Variants in MBP observed in about 807,000 individuals in gnomAD.
MBP encodes Golli-MBP.
MBP carries 16 observed loss-of-function variants against 35.8 expected under a neutral mutation model. That is an observed-to-expected ratio of 0.45 (90% CI 0.30 to 0.68). The LOEUF (loss-of-function observed/expected upper bound fraction) is 0.68. Ranked by LOEUF, MBP falls within the 30% of genes least tolerant of loss-of-function variation. The pLI is 0.08. For synonymous variants in MBP, 143 were observed against 159.6 expected (o/e 0.90, Z 0.78); for missense variants, 380 against 404.7 (o/e 0.94, Z 0.52).
At chr18:77,040,935 T>C (rs1972964204) in intron 3 of MBP, among the ~76,000 whole-genome samples, 1 of 151,940 alleles carries the variant, frequency 6.6e-6, no homozygotes, top group African/African-American at 2.4e-5. Flanking sequence ...ACAAATGGGA[T>C]CTAATTAAAC....
At position 76,989,040 on chromosome 18, in the gene MBP, T is replaced by C. The variant is rs1371576957; in HGVS notation, c.682-128A>G. The C allele has an allele frequency of 1.2e-6, 1 of 817,460 alleles. No individual in the cohort carries two copies. Among genetic ancestry groups the C allele is most frequent in the Admixed American group, 1.7e-5 (1 of 58,290 alleles). 50.6% of individuals were successfully genotyped at this position (817,460 alleles called of 1,614,324 possible). A position where few individuals can be genotyped will look rare whatever the true frequency, so the allele number is the denominator to read the frequency against. On this transcript the variant is annotated intron_variant, in intron 5 of 8. Transcript: ENST00000355994. This position sits in a 1 kb window ranked among gnomAD's most constrained non-coding sequence, Gnocchi z 4.0. ...GCCAGAAGCACCCGGGTGCCCAGCC[T>C]CCCCACTTCTGTCCTAGTTGGTGAA...
chr18:77,107,408 C>T (rs899706881), intron 1 of MBP, among the ~76,000 whole-genome samples: 4 of 152,150 alleles, frequency 2.6e-5, no homozygotes, highest in Admixed American at 2.0e-4. Context: ...TGGCTCTATC[C>T]GTTTCTCACC....
At chr18:76,997,929 G>A (rs1327739885) in intron 4 of MBP, among the ~76,000 whole-genome samples, 2 of 151,912 alleles carry the variant, frequency 1.3e-5, no homozygotes, top group Admixed American at 6.6e-5. Context: ...TGATCCGCCC[G>A]CCTCGGCCTC....
At chr18:77,035,068 G>A (rs967168554) in intron 3 of MBP, among the ~76,000 whole-genome samples, 23 of 152,304 alleles carry the variant, frequency 1.5e-4, no homozygotes, top group African/African-American at 5.1e-4. Flanking sequence ...ACCTTCCATG[G>A]AAGCACAGCT....
chr18:76,994,102 T>C (rs995073624), intron 4 of MBP, among the ~76,000 whole-genome samples: 3 of 152,144 alleles, frequency 2.0e-5, no homozygotes, highest in Non-Finnish European at 4.4e-5. Context: ...GGGTGTGAAA[T>C]CGTGAATCAA....
chr18:77,080,514 A>G (rs1043367852), intron 2 of MBP, among the ~76,000 whole-genome samples: 1 of 152,146 alleles, frequency 6.6e-6, no homozygotes, highest in African/African-American at 2.4e-5. Context: ...TGCGTTGACA[A>G]CCAGACCGTC....
At chr18:76,992,445 G>T (rs1245637279) in intron 4 of MBP, among the ~76,000 whole-genome samples, 1 of 152,126 alleles carries the variant, frequency 6.6e-6, no homozygotes, top group African/African-American at 2.4e-5. Context: ...ACAGGCCACA[G>T]AGCGGTACCG....
Position 76,980,462 on chromosome 18 carries a change from C to T in MBP, c.880G>A (p.Asp294Asn). 1 of 1,613,812 alleles carries T rather than the reference C, an allele frequency of 6.2e-7. No individual in the cohort carries two copies. Among genetic ancestry groups the T allele is most frequent in the East Asian group, 2.2e-5 (1 of 44,882 alleles). ...LSKIFKLGGR[D>N]SRSGSPMARR ...GCCATGGGTGATCCAGAGCGACTAT[C>T]TCTTCCTCCCTGAAAAGGAAGAGAG... The change falls in exon 9 of 9, where the codon GAT becomes AAT. Residue 294 changes from aspartate to asparagine, a missense_variant. Asp to Asn is a conservative substitution (Grantham distance 23, BLOSUM62 1). Transcript: ENST00000355994.
chr18:77,024,885 C>T (rs534099834), intron 3 of MBP, among the ~76,000 whole-genome samples: 3 of 152,220 alleles, frequency 2.0e-5, no homozygotes, highest in South Asian at 2.1e-4. Context: ...GGCTCCTTTC[C>T]GCAGCAGCAC....
chr18:77,102,995 C>A lies in MBP; in HGVS notation c.51+2216G>T, dbSNP rs1397664000. Among the ~76,000 whole-genome samples, 3 of 133,988 alleles carry A rather than the reference C, an allele frequency of 2.2e-5. No individual in the cohort carries two copies. Among genetic ancestry groups the A allele is most frequent in the East Asian group, 2.0e-4 (1 of 4,982 alleles). 87.9% of individuals were successfully genotyped at this position (133,988 alleles called of 152,430 possible). ...TGGGCTGAACAAAATAATGAGTCACCCTCCCATTCAACATTGACTAGAACC... is the reference window on the plus strand; with the variant it reads ...TGGGCTGAACAAAATAATGAGTCACACTCCCATTCAACATTGACTAGAACC... On this transcript the variant is annotated intron_variant, in intron 2 of 8. Transcript: ENST00000355994. The surrounding 1 kb of genome is among the most constrained non-coding windows in gnomAD (Gnocchi z 4.4).
At chr18:77,006,455 G>C (rs1477580819) in intron 4 of MBP, 2 of 153,026 alleles carry the variant, frequency 1.3e-5, no homozygotes, top group Non-Finnish European at 2.9e-5. Context: ...CCAGCCTCCA[G>C]TGCAGGCCCA....
At chr18:77,075,441 G>A (rs58482744) in intron 2 of MBP, among the ~76,000 whole-genome samples, 31,654 of 152,160 alleles carry the variant, frequency 0.21, 3,582 homozygotes, top group South Asian at 0.33. Flanking sequence ...CGCCTGACAC[G>A]TCCAGACGGC....
At chr18:77,000,492 A>G (rs1219905148) in intron 4 of MBP, among the ~76,000 whole-genome samples, 1 of 152,244 alleles carries the variant, frequency 6.6e-6, no homozygotes, top group East Asian at 1.9e-4. Flanking sequence ...CTTGCTGAAA[A>G]GTTTTTAAAA....
At position 76,989,931 on chromosome 18, in the gene MBP, C is replaced by T; in HGVS notation, c.681+25G>A. The T allele has an allele frequency of 6.3e-7, 1 of 1,589,620 alleles. No individual in the cohort carries two copies. ...CCCCTCCTCCCCCTCACAGTTGCTA[C>T]CTCTTCCCATCGATCGTCACTTACA... On this transcript the variant is annotated intron_variant, in intron 5 of 8. Coordinates refer to ENST00000355994, the MANE Select transcript of MBP (RefSeq NM_001025101.2). This position sits in a 1 kb window ranked among gnomAD's most constrained non-coding sequence, Gnocchi z 4.0.
intron 8 of MBP, chr18:76,981,908 A>G (rs1452429020): frequency 6.6e-6 from 1 of 152,248 alleles, no homozygotes; most frequent in East Asian, 1.9e-4. Flanking sequence ...AAAGTGGTAG[A>G]ACCACTGTCC....
intron 3 of MBP, among the ~76,000 whole-genome samples, chr18:77,052,325 G>T (rs576121246): frequency 1.8e-4 from 28 of 152,288 alleles, no homozygotes; most frequent in Admixed American, 1.0e-3. Flanking sequence ...GCAGCATCCC[G>T]ATCGGGGGGG....
At chr18:77,001,459 G>A (rs1461150309) in intron 4 of MBP, among the ~76,000 whole-genome samples, 2 of 152,248 alleles carry the variant, frequency 1.3e-5, no homozygotes, top group Non-Finnish European at 2.9e-5. Context: ...ACAGATGGGC[G>A]AGGTATTGGA....
Position 77,080,547 on chromosome 18 carries a change from G to A in MBP, c.52-14162C>T, listed in dbSNP as rs181790057. Among the ~76,000 whole-genome samples, 6 of 152,372 alleles carry A rather than the reference G, an allele frequency of 3.9e-5. No individual in the cohort carries two copies. The South Asian group carries it at 6.2e-4, about 16-fold the overall frequency. The stretch of plus-strand genomic sequence containing the variant: ...GTCTGCAGGCATTGGCAGATGTCCC[G>A]TAGGGGCAAATCACACCTCATTAAC... On this transcript the variant is annotated intron_variant, in intron 2 of 8. Transcript: ENST00000355994.
intron 3 of MBP, among the ~76,000 whole-genome samples, chr18:77,056,082 C>T (rs1400810307): frequency 1.3e-5 from 2 of 152,258 alleles, no homozygotes; most frequent in Non-Finnish European, 2.9e-5. Context: ...GCATTTGTGC[C>T]AGCGCATGGC....
Sources: allele counts gnomAD v4.1 joint callset (sites outside exome capture counted in the v4.1 genomes callset), GRCh38; gene constraint gnomAD v4.1.1; non-coding constraint Gnocchi (gnomAD v3.1); transcripts MANE v1.5; gene names NCBI Gene and HGNC (gene_info 2026-07-23, HGNC 2026-07-21).